Variants in CAMK1D observed in about 807,000 individuals in gnomAD.
The protein encoded by CAMK1D is calcium/calmodulin-dependent protein kinase type 1D.
CAMK1D carries 9 observed loss-of-function variants against 47.7 expected under a neutral mutation model. That is an observed-to-expected ratio of 0.19 (90% CI 0.11 to 0.33). The LOEUF is 0.33. Among genes scored for constraint, CAMK1D ranks in the 10% least tolerant of loss-of-function variants. CAMK1D has a pLI of 1.00. For synonymous variants in CAMK1D, 184 were observed against 184.9 expected, an observed-to-expected ratio of 0.99 and a Z score of 0.04; for missense variants, 291 against 488.7, an observed-to-expected ratio of 0.60 and a Z score of 3.81.
intron 1 of CAMK1D, among the ~76,000 whole-genome samples, chr10:12,482,207 C>T (rs1564365674): frequency 6.6e-6 from 1 of 152,202 alleles, no homozygotes; most frequent in Admixed American, 6.5e-5. Context: ...TGGCTCCTGC[C>T]TCCTCTCCTT....
chr10:12,503,114 G>A (rs1320664119), intron 1 of CAMK1D, among the ~76,000 whole-genome samples: 3 of 152,208 alleles, frequency 2.0e-5, no homozygotes, highest in Admixed American at 6.5e-5. Flanking sequence ...ATGTACCTAC[G>A]TGTGTACACA....
chr10:12,679,370 T>C (rs903687496), intron 3 of CAMK1D, among the ~76,000 whole-genome samples: 11 of 152,200 alleles, frequency 7.2e-5, no homozygotes, highest in Non-Finnish European at 1.6e-4. Flanking sequence ...TTTAAGGATA[T>C]ATGTAATGTC....
intron 8 of CAMK1D, among the ~76,000 whole-genome samples, chr10:12,821,046 G>A (rs1052100978): frequency 2.6e-5 from 4 of 152,202 alleles, no homozygotes; most frequent in Admixed American, 1.3e-4. Flanking sequence ...ATTTAAGCCT[G>A]TTTCCTGCAA....
chr10:12,603,846 C>T (rs1271590430), intron 2 of CAMK1D, among the ~76,000 whole-genome samples: 1 of 152,166 alleles, frequency 6.6e-6, no homozygotes, highest in Non-Finnish European at 1.5e-5. Context: ...CATCTCCAGC[C>T]CTGGAACACA....
intron 3 of CAMK1D, among the ~76,000 whole-genome samples, chr10:12,736,815 C>T (rs4750250): frequency 0.93 from 141,476 of 152,180 alleles, 66,569 homozygotes; most frequent in Non-Finnish European, 1. Context: ...GAGAAACCCA[C>T]GAGGAACTGG....
At chr10:12,503,408 C>T (rs370497100) in intron 1 of CAMK1D, among the ~76,000 whole-genome samples, 8 of 133,410 alleles carry the variant, frequency 6.0e-5, no homozygotes, top group African/African-American at 1.5e-4. Context: ...CCCCTCTTGG[C>T]GTGTGTCACA....
rs1475641485 is a variant in CAMK1D at position 12,830,608 on chromosome 10, G to A, written c.*1721G>A. ...GTTCGCCTTTGTGGAGCCAGGCAGT[G>A]TGTGGCCCAGGGAAAGCTGCGTTTC... On this transcript the variant is annotated 3_prime_UTR_variant, in exon 11 of 11. Transcript: ENST00000619168. The A allele has an allele frequency of 6.6e-6, 1 of 152,280 alleles. No homozygotes were observed. Among genetic ancestry groups the A allele is most frequent in the African/African-American group, 2.4e-5 (1 of 41,452 alleles). The allele number at this position is 152,280 out of a possible 1,614,324, so 9.4% of individuals were successfully genotyped here. A position where few individuals can be genotyped will look rare whatever the true frequency, so the allele number is the denominator to read the frequency against.
At chr10:12,689,081 A>T (rs1170752319) in intron 3 of CAMK1D, among the ~76,000 whole-genome samples, 1 of 152,204 alleles carries the variant, frequency 6.6e-6, no homozygotes, top group East Asian at 1.9e-4. Context: ...CAGCGGGAGG[A>T]TGGTGTTCTA....
chr10:12,813,699 G>A (rs1832693039), intron 6 of CAMK1D, among the ~76,000 whole-genome samples: 1 of 152,102 alleles, frequency 6.6e-6, no homozygotes, highest in Admixed American at 6.6e-5. Flanking sequence ...CGGAATGTGT[G>A]CTTTCTTGGT....
At chr10:12,553,949 A>G (rs961153543) in intron 2 of CAMK1D, among the ~76,000 whole-genome samples, 1 of 152,174 alleles carries the variant, frequency 6.6e-6, no homozygotes, top group African/African-American at 2.4e-5. Context: ...TGTTACTTCC[A>G]CACGTTCCGA....
chr10:12,758,995 A>G (rs1564540350), intron 3 of CAMK1D, among the ~76,000 whole-genome samples: 1 of 152,248 alleles, frequency 6.6e-6, no homozygotes, highest in Non-Finnish European at 1.5e-5. Flanking sequence ...CCCACTGGGC[A>G]TGCTCACTGG....
At chr10:12,802,963 G>A (rs765539100) in intron 6 of CAMK1D, among the ~76,000 whole-genome samples, 1 of 152,240 alleles carries the variant, frequency 6.6e-6, no homozygotes, top group Non-Finnish European at 1.5e-5. Context: ...CATCTTTGCA[G>A]TGGCACATCT....
intron 2 of CAMK1D, among the ~76,000 whole-genome samples, chr10:12,605,672 G>A (rs778196036): frequency 3.3e-5 from 5 of 152,178 alleles, no homozygotes; most frequent in African/African-American, 4.8e-5. Context: ...GGGGAGGAAG[G>A]AGGGGAGCCC....
chr10:12,588,255 A>T (rs1190452264), intron 2 of CAMK1D, among the ~76,000 whole-genome samples: 1 of 152,122 alleles, frequency 6.6e-6, no homozygotes, highest in African/African-American at 2.4e-5. Flanking sequence ...AGAATTTCAG[A>T]GCTGGTTTGG....
chr10:12,627,206 C>T (rs548309447), intron 2 of CAMK1D, among the ~76,000 whole-genome samples: 13 of 151,778 alleles, frequency 8.6e-5, no homozygotes, highest in African/African-American at 2.4e-4. Context: ...CTCAGCTTCC[C>T]GAGTAGCTGG....
At chr10:12,718,110 A>G (rs774074965) in intron 3 of CAMK1D, among the ~76,000 whole-genome samples, 2 of 152,126 alleles carry the variant, frequency 1.3e-5, no homozygotes, top group Admixed American at 6.5e-5. Context: ...CTGACCCCTT[A>G]CAAAGTAAGG....
intron 3 of CAMK1D, among the ~76,000 whole-genome samples, chr10:12,748,294 G>A (rs1340368083): frequency 6.6e-6 from 1 of 152,140 alleles, no homozygotes; most frequent in East Asian, 1.9e-4. Context: ...TCAGTAGCAG[G>A]GAGCCATCAT....
chr10:12,554,646 C>T (rs1836703359), intron 2 of CAMK1D, among the ~76,000 whole-genome samples: 1 of 152,048 alleles, frequency 6.6e-6, no homozygotes, highest in Non-Finnish European at 1.5e-5. Flanking sequence ...AAGTGATCTT[C>T]CCACCTCTGG....
chr10:12,432,824 G>T (rs566149896), intron 1 of CAMK1D, among the ~76,000 whole-genome samples: 2 of 152,342 alleles, frequency 1.3e-5, no homozygotes, highest in East Asian at 3.9e-4. Flanking sequence ...GGGCTGGTCT[G>T]TGCTGGACAC....
Sources: allele counts gnomAD v4.1 joint callset (sites outside exome capture counted in the v4.1 genomes callset), GRCh38; gene constraint gnomAD v4.1.1; transcripts MANE v1.5; gene names NCBI Gene and HGNC (gene_info 2026-07-23, HGNC 2026-07-21).